Variants in TGFBR2 observed in about 807,000 individuals in gnomAD.
TGFBR2 encodes TGF-beta receptor type-2.
Under a neutral mutation model 49.0 loss-of-function variants are expected in TGFBR2, and 18 were observed. That is an observed-to-expected ratio of 0.37 (90% CI 0.25 to 0.54). The LOEUF is 0.54. Ranked by LOEUF, TGFBR2 falls within the 20% of genes least tolerant of loss-of-function variation. The pLI is 0.85. For synonymous variants in TGFBR2, 282 were observed against 275.9 expected (o/e 1.02, Z -0.22); for missense variants, 525 against 722.6 (o/e 0.73, Z 3.13).
At chr3:30,651,287 T>A (rs1259022485) in intron 3 of TGFBR2, among the ~76,000 whole-genome samples, 1 of 152,166 alleles carries the variant, frequency 6.6e-6, no homozygotes, top group African/African-American at 2.4e-5. Context: ...ATGCAACAGA[T>A]CATCTGTATT....
chr3:30,675,605 T>C (rs543139586), intron 5 of TGFBR2, among the ~76,000 whole-genome samples: 29 of 152,198 alleles, frequency 1.9e-4, no homozygotes, highest in Non-Finnish European at 4.1e-4. Flanking sequence ...CAGGCTGATA[T>C]CGAACTCTTG....
chr3:30,686,128 C>T (rs1423852717), intron 5 of TGFBR2, among the ~76,000 whole-genome samples: 1 of 152,082 alleles, frequency 6.6e-6, no homozygotes, highest in Non-Finnish European at 1.5e-5. Flanking sequence ...AGATCTGATT[C>T]TCAGTTTTCT....
rs754370908 is a variant in TGFBR2 at position 30,644,878 on chromosome 3, A to G, written c.226A>G (p.Ile76Val). 5 of 1,614,158 alleles carry G rather than the reference A, an allele frequency of 3.1e-6. No individual in the cohort carries two copies. Among genetic ancestry groups the G allele is most frequent in the Non-Finnish European group, 4.2e-6 (5 of 1,179,998 alleles). The change falls in exon 2 of 7, where the codon ATC becomes GTC. Residue 76 changes from isoleucine (I) to valine (V), a missense_variant. Ile to Val is a conservative substitution (Grantham distance 29). Coordinates refer to ENST00000295754, the MANE Select transcript of TGFBR2 (RefSeq NM_003242.6). The stretch of plus-strand genomic sequence containing the variant: ...CATGAGCAACTGCAGCATCACCTCC[A>G]TCTGTGAGAAGCCACAGGAAGTCTG... ...SCMSNCSITS[I>V]CEKPQEVCVA...
In TGFBR2 at chr3:30,652,229, GTTGT is replaced by G. The variant is rs1229121977; in HGVS notation, c.454+1772_454+1775del. Among the ~76,000 whole-genome samples, 398 of 81,912 alleles carry G rather than the reference GTTGT, an allele frequency of 4.9e-3. 2 individuals carry two copies. Among genetic ancestry groups the G allele is most frequent in the African/African-American group, 0.018 (376 of 20,424 alleles). The allele number at this position is 81,912 out of a possible 152,430, so 53.7% of individuals were successfully genotyped here. On this transcript the variant is annotated intron_variant, in intron 3 of 6. Transcript: ENST00000295754. Reference sequence around the variant, plus strand: ...TCCATTTCTCTCGTTTTCTTTTCTGGTTGTTTTTTTTTTTTTTTTTTTTTTGACG... The same window carrying G: ...TCCATTTCTCTCGTTTTCTTTTCTGGTTTTTTTTTTTTTTTTTTTTTGACG...
At chr3:30,630,764 G>C (rs572504232) in intron 1 of TGFBR2, among the ~76,000 whole-genome samples, 156 of 152,240 alleles carry the variant, frequency 1.0e-3, no homozygotes, top group Non-Finnish European at 1.9e-3. Context: ...AACCAGCCTG[G>C]ATCCTTTTGC....
At chr3:30,613,590 A>G (rs1575129182) in intron 1 of TGFBR2, among the ~76,000 whole-genome samples, 1 of 152,102 alleles carries the variant, frequency 6.6e-6, no homozygotes. Context: ...GGGTGTCCAC[A>G]TATCACAAGG....
chr3:30,613,512 G>C (rs1208443058), intron 1 of TGFBR2, among the ~76,000 whole-genome samples: 1 of 146,832 alleles, frequency 6.8e-6, no homozygotes, highest in Non-Finnish European at 1.5e-5. Context: ...CTGTGTGTGT[G>C]TGTGTCTGTA....
chr3:30,675,640 C>A (rs1333294433), intron 5 of TGFBR2, among the ~76,000 whole-genome samples: 2 of 152,192 alleles, frequency 1.3e-5, no homozygotes, highest in African/African-American at 4.8e-5. Flanking sequence ...CCACCTCGGC[C>A]TCCCAAAGTG....
rs1699352410 is a variant in TGFBR2 at position 30,672,140 on chromosome 3, A to C, written c.957A>C (p.Lys319Asn). The C allele has an allele frequency of 6.2e-7, 1 of 1,614,072 alleles. No homozygotes were observed. The highest frequency in any genetic ancestry group is 8.5e-7 in the Non-Finnish European group (1 of 1,180,034). Residue 319 changes from lysine to asparagine, a missense_variant, in exon 4 of 7, where the codon AAA becomes AAC. Around this residue, in one of 3 missense-constraint regions of TGFBR2, gnomAD observed 376 missense variants for 478.2 expected, o/e 0.79. Coordinates refer to ENST00000295754, the MANE Select transcript of TGFBR2 (RefSeq NM_003242.6). This position sits in a 1 kb window ranked among gnomAD's most constrained non-coding sequence, Gnocchi z 4.5. Reference protein sequence around the residue: ...TAEERKTELGKQYWLITAFHA... With the variant: ...TAEERKTELGNQYWLITAFHA... ...AGGAGCGGAAGACGGAGTTGGGGAA[A>C]CAATACTGGCTGATCACCGCCTTCC... is the stretch of plus-strand genomic sequence containing the variant.
At chr3:30,645,002 T>C (rs1243024792) in intron 2 of TGFBR2, 87 bp downstream of exon 2, 39 of 1,241,134 alleles carry the variant, frequency 3.1e-5, no homozygotes, top group Non-Finnish European at 4.6e-5. Flanking sequence ...TGTATCTCTG[T>C]CTCCTAAATG....
intron 1 of TGFBR2, among the ~76,000 whole-genome samples, chr3:30,626,968 T>C (rs567647607): frequency 1.9e-4 from 29 of 152,324 alleles, no homozygotes; most frequent in African/African-American, 6.7e-4. Context: ...TGGGCTAAAT[T>C]CTCTGAGTCA....
intron 1 of TGFBR2, among the ~76,000 whole-genome samples, chr3:30,638,249 G>A (rs1293104876): frequency 6.6e-6 from 1 of 152,134 alleles, no homozygotes; most frequent in African/African-American, 2.4e-5. Flanking sequence ...GGCACTTGTA[G>A]AATACTTACT....
At chr3:30,608,464 C>A (rs971036891) in intron 1 of TGFBR2, among the ~76,000 whole-genome samples, 3 of 152,138 alleles carry the variant, frequency 2.0e-5, no homozygotes, top group African/African-American at 7.2e-5. Context: ...TTGGAGATGA[C>A]CCATGTAGAC....
intron 3 of TGFBR2, among the ~76,000 whole-genome samples, chr3:30,656,291 T>C (rs910521940): frequency 1.3e-4 from 20 of 152,230 alleles, no homozygotes; most frequent in Non-Finnish European, 1.0e-4. Flanking sequence ...CTGGTGTGGA[T>C]CTTAATGTGG....
intron 1 of TGFBR2, among the ~76,000 whole-genome samples, chr3:30,631,875 G>A (rs1304743341): frequency 1.3e-5 from 2 of 152,048 alleles, no homozygotes; most frequent in African/African-American, 4.8e-5. Flanking sequence ...GGTCGATTCA[G>A]AGCCTTCTCC....
intron 1 of TGFBR2, among the ~76,000 whole-genome samples, chr3:30,635,638 T>C (rs1698514141): frequency 6.6e-6 from 1 of 152,208 alleles, no homozygotes; most frequent in Non-Finnish European, 1.5e-5. Context: ...TTAAAAAAAT[T>C]TGAGTTTAAA....
chr3:30,691,646 A>G lies in TGFBR2; in HGVS notation c.*47A>G. Reference sequence around the variant, plus strand: ...CATGTCCAAAGAGGCTGCCCCTCTCACCAAAGAACAGAGGCAGCAGGAAGC... The same window carrying G: ...CATGTCCAAAGAGGCTGCCCCTCTCGCCAAAGAACAGAGGCAGCAGGAAGC... On this transcript the variant is annotated 3_prime_UTR_variant, in exon 7 of 7. Coordinates refer to ENST00000295754, the MANE Select transcript of TGFBR2 (RefSeq NM_003242.6). 6.2e-7 allele frequency: 1 copy of G among 1,610,506 alleles called. No individual in the cohort carries two copies. Among genetic ancestry groups the G allele is most frequent in the Non-Finnish European group, 8.5e-7 (1 of 1,177,084 alleles).
At chr3:30,633,483 C>T (rs929031735) in intron 1 of TGFBR2, among the ~76,000 whole-genome samples, 1 of 152,120 alleles carries the variant, frequency 6.6e-6, no homozygotes, top group Admixed American at 6.5e-5. Flanking sequence ...TTTTTGCATT[C>T]TAGTTAAACC....
At chr3:30,618,261 G>T (rs1351030300) in intron 1 of TGFBR2, among the ~76,000 whole-genome samples, 1 of 133,804 alleles carries the variant, frequency 7.5e-6, no homozygotes, top group Non-Finnish European at 1.5e-5. Flanking sequence ...ATGGAATCTC[G>T]CTCTGTTGCC....
Sources: gnomAD v4.1 joint callset for allele counts (sites outside exome capture counted in the v4.1 genomes callset) on GRCh38, gnomAD v4.1.1 for gene constraint, gnomAD v4.1.1 regional missense constraint, Gnocchi (gnomAD v3.1) non-coding constraint, MANE v1.5 for transcripts, NCBI Gene and HGNC (gene_info 2026-07-23, HGNC 2026-07-21) for gene names.